CDH7: variants seen among roughly 807,000 people sequenced by gnomAD.
CDH7 encodes cadherin 7, also known as cadherin-7.
In CDH7, 25 loss-of-function variants were observed where a neutral mutation model predicts 71.8. That is an observed-to-expected ratio of 0.35 (90% CI 0.25 to 0.49). The LOEUF is 0.49. Among genes scored for constraint, CDH7 ranks in the 20% least tolerant of loss-of-function variants. The pLI is 0.99. For synonymous variants in CDH7, 381 were observed against 363.8 expected, an observed-to-expected ratio of 1.05 and a Z score of -0.54; for missense variants, 862 against 974.6, an observed-to-expected ratio of 0.88 and a Z score of 1.54.
chr18:65,840,752 C>A (rs988591990), intron 6 of CDH7, among the ~76,000 whole-genome samples: 1 of 152,136 alleles, frequency 6.6e-6, no homozygotes, highest in East Asian at 1.9e-4. Context: ...AAACCTCTTT[C>A]TTTTGTAAAT....
intron 7 of CDH7, among the ~76,000 whole-genome samples, chr18:65,844,375 A>G (rs555570396): frequency 6.6e-6 from 1 of 151,948 alleles, no homozygotes; most frequent in South Asian, 2.1e-4. Context: ...AAACATGTTC[A>G]AAAATGAAGC....
At chr18:65,771,066 C>T (rs937261407) in intron 2 of CDH7, among the ~76,000 whole-genome samples, 1 of 152,078 alleles carries the variant, frequency 6.6e-6, no homozygotes, top group Admixed American at 6.6e-5. Flanking sequence ...ATTTCTTACT[C>T]TTTTAATGAG....
At chr18:65,878,961 A>G (rs555807833) in intron 11 of CDH7, among the ~76,000 whole-genome samples, 2 of 152,218 alleles carry the variant, frequency 1.3e-5, no homozygotes, top group African/African-American at 4.8e-5. Flanking sequence ...TGTTTTCACA[A>G]CTATTTCCAC....
intron 2 of CDH7, among the ~76,000 whole-genome samples, chr18:65,796,837 A>T (rs924394424): frequency 6.6e-6 from 1 of 152,196 alleles, no homozygotes; most frequent in Non-Finnish European, 1.5e-5. Context: ...AGTTCTATGG[A>T]CTAATAAATA....
Position 65,859,034 on chromosome 18 carries a change from C to G in CDH7, c.1482C>G (p.Ala494=), listed in dbSNP as rs1370844934. The change falls in exon 9 of 12, where the codon GCC becomes GCG. Residue 494 remains alanine, a synonymous_variant. Transcript: ENST00000397968. The part of the protein sequence containing the change: ...MDYETTVCEN[A]QPGQVIQKIS... The stretch of plus-strand genomic sequence containing the variant: ...ATGAGACCACCGTCTGTGAAAATGC[C>G]CAGCCGGGGCAGGTAAGAGTCTTCA... 1.9e-6 allele frequency: 3 copies of G among 1,613,264 alleles called. No homozygotes were observed. In the East Asian group the frequency reaches 6.7e-5, roughly 36 times the overall value.
intron 2 of CDH7, among the ~76,000 whole-genome samples, chr18:65,797,762 C>T (rs1237257170): frequency 2.0e-5 from 3 of 152,126 alleles, no homozygotes; most frequent in Non-Finnish European, 4.4e-5. Context: ...TTATTTCAAA[C>T]GTTCTGCAGA....
At chr18:65,844,279 A>C (rs1249722474) in intron 7 of CDH7, among the ~76,000 whole-genome samples, 1 of 150,616 alleles carries the variant, frequency 6.6e-6, no homozygotes, top group African/African-American at 2.4e-5. Flanking sequence ...ATTATCGTTG[A>C]GCCATATTTT....
In CDH7 at chr18:65,805,467, T is replaced by C. The variant is rs912225153; in HGVS notation, c.211-4237T>C. Among the ~76,000 whole-genome samples, 4 of 152,268 alleles carry C rather than the reference T, an allele frequency of 2.6e-5. No homozygotes were observed. The South Asian group carries it at 8.3e-4, about 32-fold the overall frequency. On this transcript the variant is annotated intron_variant, in intron 2 of 11. Coordinates refer to ENST00000397968, the MANE Select transcript of CDH7 (RefSeq NM_004361.5). Reference sequence around the variant, plus strand: ...TGCCTAGAATTTTCGGTTAAATCCATAGACTGTGGGAAGCAATTAAATATA... The same window carrying C: ...TGCCTAGAATTTTCGGTTAAATCCACAGACTGTGGGAAGCAATTAAATATA...
intron 2 of CDH7, among the ~76,000 whole-genome samples, chr18:65,773,255 A>T (rs1895186201): frequency 6.6e-6 from 1 of 152,208 alleles, no homozygotes. Flanking sequence ...AAAGACACAT[A>T]AATCACAGGT....
chr18:65,816,855 C>T (rs1470975093), intron 4 of CDH7, among the ~76,000 whole-genome samples: 1 of 152,118 alleles, frequency 6.6e-6, no homozygotes, highest in Non-Finnish European at 1.5e-5. Context: ...TTCATAATGT[C>T]CCAAATTTAC....
At chr18:65,814,327 T>C (rs1257444913) in intron 3 of CDH7, among the ~76,000 whole-genome samples, 158 bp from the exon 4 acceptor site, 5 of 150,452 alleles carry the variant, frequency 3.3e-5, no homozygotes, top group Non-Finnish European at 7.4e-5. Flanking sequence ...GGGGCTGGTT[T>C]ACTTAAAAAA....
intron 1 of CDH7, among the ~76,000 whole-genome samples, chr18:65,759,224 C>T (rs1342320384): frequency 6.6e-6 from 1 of 151,542 alleles, no homozygotes; most frequent in East Asian, 1.9e-4. Flanking sequence ...CCTTAAATTT[C>T]TCTGCCCATT....
At chr18:65,793,989 C>T (rs538701274) in intron 2 of CDH7, among the ~76,000 whole-genome samples, 7 of 152,098 alleles carry the variant, frequency 4.6e-5, no homozygotes, top group African/African-American at 1.4e-4. Context: ...TTTGCAAAGC[C>T]TGGTGCATTC....
intron 2 of CDH7, among the ~76,000 whole-genome samples, chr18:65,775,902 A>AT (rs1413405157): frequency 6.6e-6 from 1 of 152,196 alleles, no homozygotes; most frequent in East Asian, 1.9e-4. Context: ...TATGCCAGGT[A>AT]TCCCTCCTCC....
rs1313372703 is a variant in CDH7 at position 65,824,682 on chromosome 18, G to C, written c.832G>C (p.Ala278Pro). The C allele has an allele frequency of 1.2e-6, 2 of 1,611,258 alleles. No homozygotes were observed. The highest frequency in any genetic ancestry group is 1.7e-6 in the Non-Finnish European group (2 of 1,178,180). Residue 278 changes from alanine (A) to proline (P), a missense_variant, in exon 6 of 12, where the codon GCC (alanine) becomes CCC (proline). Coordinates refer to ENST00000397968, the MANE Select transcript of CDH7 (RefSeq NM_004361.5). ...TAACGTCCCAGAGTCATTACCTGTA[G>C]CCTCAGTTGTGGCCAGAATTAAAGC... Reference protein sequence around the residue: ...QYNVPESLPVASVVARIKAAD... With the variant: ...QYNVPESLPVPSVVARIKAAD...
intron 2 of CDH7, among the ~76,000 whole-genome samples, chr18:65,783,634 C>A (rs945278571): frequency 6.6e-6 from 1 of 152,006 alleles, no homozygotes; most frequent in Non-Finnish European, 1.5e-5. Flanking sequence ...TTTGAGAGGA[C>A]GTTGGTGGGC....
chr18:65,862,797 G>T lies in CDH7; in HGVS notation c.1744G>T (p.Val582Leu). The T allele has an allele frequency of 6.2e-7, 1 of 1,613,998 alleles. No homozygotes were observed. The highest frequency in any genetic ancestry group is 8.5e-7 in the Non-Finnish European group (1 of 1,179,938). Residue 582 changes from valine (V) to leucine (L), a missense_variant, in exon 11 of 12, where the codon GTG (valine) becomes TTG (leucine). Val to Leu is a conservative substitution (Grantham distance 32). Coordinates refer to ENST00000397968, the MANE Select transcript of CDH7 (RefSeq NM_004361.5). ...CAGCACCAACACCCTCACCATCCGC[G>T]TGTGTGACTGTGATGCTGACGGCGT... is the stretch of plus-strand genomic sequence containing the variant. ...LSSTNTLTIR[V>L]CDCDADGVAQ...
At chr18:65,755,239 A>G (rs928675169) in intron 1 of CDH7, among the ~76,000 whole-genome samples, 17 of 152,186 alleles carry the variant, frequency 1.1e-4, no homozygotes, top group African/African-American at 3.9e-4. Flanking sequence ...TTGGATCAGT[A>G]CCTAGCTGTG....
At chr18:65,796,087 G>T (rs1910902641) in intron 2 of CDH7, among the ~76,000 whole-genome samples, 1 of 152,116 alleles carries the variant, frequency 6.6e-6, no homozygotes, top group Non-Finnish European at 1.5e-5. Flanking sequence ...CTTCATGGCA[G>T]TGTGAGAATG....
Sources: gnomAD v4.1 joint callset for allele counts (sites outside exome capture counted in the v4.1 genomes callset) on GRCh38, gnomAD v4.1.1 for gene constraint, MANE v1.5 for transcripts, NCBI Gene and HGNC (gene_info 2026-07-23, HGNC 2026-07-21) for gene names.